Variants in USP10 observed in about 807,000 individuals in gnomAD.
USP10 encodes the protein ubiquitin specific peptidase 10.
USP10 carries 22 observed loss-of-function variants against 84.5 expected under a neutral mutation model. That is an observed-to-expected ratio of 0.26 (90% CI 0.19 to 0.37). The LOEUF (loss-of-function observed/expected upper bound fraction) is 0.37. Ranked by LOEUF, USP10 falls within the 10% of genes least tolerant of loss-of-function variation. USP10 has a pLI of 1.00. For synonymous variants in USP10, 454 were observed against 387.6 expected, an observed-to-expected ratio of 1.17 and a Z score of -2.01; for missense variants, 1,019 against 998.9, an observed-to-expected ratio of 1.02 and a Z score of -0.27.
intron 13 of USP10, among the ~76,000 whole-genome samples, chr16:84,778,003 A>G (rs1915190609): frequency 6.6e-6 from 1 of 151,318 alleles, no homozygotes; most frequent in Admixed American, 6.6e-5. Flanking sequence ...GGCTGTCTTA[A>G]TGTTTTCATG....
At chr16:84,730,324 T>C (rs1445085512) in intron 1 of USP10, among the ~76,000 whole-genome samples, 1 of 152,184 alleles carries the variant, frequency 6.6e-6, no homozygotes, top group East Asian at 1.9e-4. Context: ...TTTAATAGTA[T>C]TTTGAAGATC....
chr16:84,710,008 G>A (rs766423241), intron 1 of USP10, among the ~76,000 whole-genome samples: 1 of 152,180 alleles, frequency 6.6e-6, no homozygotes, highest in Non-Finnish European at 1.5e-5. Context: ...CGAGGCTCAC[G>A]CCTGTAATCC....
At chr16:84,728,430 C>T (rs758735804) in intron 1 of USP10, among the ~76,000 whole-genome samples, 19 of 152,046 alleles carry the variant, frequency 1.2e-4, no homozygotes, top group Non-Finnish European at 2.6e-4. Context: ...ACCTCTGCCT[C>T]CCCGGTTCAA....
At chr16:84,703,147 G>A (rs1265951480) in intron 1 of USP10, among the ~76,000 whole-genome samples, 1 of 152,128 alleles carries the variant, frequency 6.6e-6, no homozygotes, top group Non-Finnish European at 1.5e-5. Context: ...AACATTTTGA[G>A]ACCGGTAACT....
intron 12 of USP10, among the ~76,000 whole-genome samples, chr16:84,774,048 G>A (rs1054396917): frequency 1.1e-4 from 17 of 152,080 alleles, no homozygotes; most frequent in African/African-American, 3.6e-4. Context: ...TCAGGAGTTC[G>A]AGACCAGCCT....
In USP10 at chr16:84,706,474, A is replaced by ATATTTATATG. The variant is rs1273898605; in HGVS notation, c.21+6371_21+6380dup. Among the ~76,000 whole-genome samples, 327 of 148,514 alleles carry ATATTTATATG rather than the reference A, an allele frequency of 2.2e-3. 2 individuals carry two copies. The highest frequency in any genetic ancestry group is 7.3e-3 in the African/African-American group (300 of 40,890). ...TTACGTGGCTGCAAAGACTATATAT[A>ATATTTATATG]TATTTATATGTATTTATTTGTATAT... On this transcript the variant is annotated intron_variant, in intron 1 of 13. Transcript: ENST00000219473.
chr16:84,776,996 A>T (rs1309653947), intron 13 of USP10, among the ~76,000 whole-genome samples: 2 of 152,242 alleles, frequency 1.3e-5, no homozygotes, highest in African/African-American at 4.8e-5. Context: ...TATTTTGAAT[A>T]GAGACGAGGT....
At chr16:84,778,650 T>C (rs1303850160) in intron 13 of USP10, among the ~76,000 whole-genome samples, 1 of 152,186 alleles carries the variant, frequency 6.6e-6, no homozygotes, top group Non-Finnish European at 1.5e-5. Flanking sequence ...TTAATATGCG[T>C]ACATGCACAC....
rs558758693 is a variant in USP10, at chr16:84,745,772, C to T, written c.1192+99C>T. The T allele has an allele frequency of 1.3e-5, 16 of 1,278,786 alleles. No individual in the cohort carries two copies. The South Asian group carries it at 2.1e-4, about 17-fold the overall frequency. 79.2% of individuals were successfully genotyped at this position (1,278,786 alleles called of 1,614,324 possible). On this transcript the variant is annotated intron_variant, in intron 4 of 13. Coordinates refer to ENST00000219473, the MANE Select transcript of USP10 (RefSeq NM_005153.3). ...GTTACCCATAACAATGGCAGATTAC[C>T]TGTGTGTTAATAGCAACGTCTGAAG...
chr16:84,739,451 T>G (rs1910362524), intron 2 of USP10, among the ~76,000 whole-genome samples: 1 of 152,042 alleles, frequency 6.6e-6, no homozygotes, highest in Non-Finnish European at 1.5e-5. Context: ...TTTTGTATTT[T>G]TAGTAGAGAT....
intron 1 of USP10, among the ~76,000 whole-genome samples, chr16:84,711,592 C>G (rs1467174929): frequency 1.3e-5 from 2 of 152,174 alleles, no homozygotes; most frequent in Non-Finnish European, 2.9e-5. Flanking sequence ...AATAATTACG[C>G]TTGGTTCTCT....
chr16:84,758,879 G>T lies in USP10; in HGVS notation c.1284+72G>T, dbSNP rs7203333. On this transcript the variant is annotated intron_variant, in intron 5 of 13. Coordinates refer to ENST00000219473, the MANE Select transcript of USP10 (RefSeq NM_005153.3). ...CCCTCCTTTGGGTGCATGTGACTTA[G>T]CTCAGCTTCCGTGGGCCATCTAGCT... 9.5e-4 allele frequency: 1,066 copies of T among 1,119,222 alleles called. 2 individuals are homozygous for T. Among genetic ancestry groups the T allele is most frequent in the Non-Finnish European group, 1.3e-3 (959 of 732,336 alleles). The allele number at this position is 1,119,222 out of a possible 1,614,324, so 69.3% of individuals were successfully genotyped here.
intron 4 of USP10, among the ~76,000 whole-genome samples, chr16:84,753,505 G>A (rs16974558): frequency 0.2 from 29,844 of 151,936 alleles, 3,572 homozygotes; most frequent in East Asian, 0.37. Context: ...ATTTACATGC[G>A]TGCTCATCTT....
At position 84,700,181 on chromosome 16, in the gene USP10, GGCGTCCGCGCCCTGCCCGGAGCGA is replaced by G. The variant is rs1483901184; in HGVS notation, c.21+75_21+98del. On this transcript the variant is annotated intron_variant, in intron 1 of 13. Transcript: ENST00000219473. ...GGGCGGGCGGACGCCGCGGCGGGCG[GGCGTCCGCGCCCTGCCCGGAGCGA>G]GCGTGTGGGAGTGGGGGAGGGCGCT... The G allele has an allele frequency of 6.1e-6, 7 of 1,149,458 alleles. 1 individual carries two copies. In the African/African-American group the frequency reaches 8.3e-5, roughly 14 times the overall value. 71.2% of individuals were successfully genotyped at this position (1,149,458 alleles called of 1,614,324 possible).
chr16:84,744,748 A>G lies in USP10; in HGVS notation c.267A>G (p.Glu89=), dbSNP rs774453217. Residue 89 remains glutamate (E), a synonymous_variant, in exon 4 of 14, where the codon GAA becomes GAG. Coordinates refer to ENST00000219473, the MANE Select transcript of USP10 (RefSeq NM_005153.3). Reference sequence around the variant, plus strand: ...GCACACTGAACCCTCAGGCCCCTGAATTTATTCTCGGTTGTACAGCTTCCA... The same window carrying G: ...GCACACTGAACCCTCAGGCCCCTGAGTTTATTCTCGGTTGTACAGCTTCCA... The part of the protein sequence containing the change: ...ISSTLNPQAP[E]FILGCTASKI... The G allele has an allele frequency of 9.3e-6, 15 of 1,613,620 alleles. No individual in the cohort carries two copies. Among genetic ancestry groups the G allele is most frequent in the African/African-American group, 8.0e-5 (6 of 74,890 alleles).
intron 1 of USP10, among the ~76,000 whole-genome samples, chr16:84,721,305 ATTC>A (rs1248397351): frequency 6.6e-6 from 1 of 152,194 alleles, no homozygotes; most frequent in Non-Finnish European, 1.5e-5. Context: ...GTACTGAAGA[ATTC>A]TTCTTCCGTA....
chr16:84,764,158 G>A lies in USP10; in HGVS notation c.1727G>A (p.Ser576Asn). Residue 576 changes from serine to asparagine, a missense_variant, in exon 10 of 14, where the codon AGC (serine) becomes AAC (asparagine). Around this residue, in one of 2 missense-constraint regions of USP10, gnomAD observed 232 missense variants for 290.1 expected, o/e 0.80. Coordinates refer to ENST00000219473, the MANE Select transcript of USP10 (RefSeq NM_005153.3). ...GAGCAGGAAGAACAAGGTGAAGGAA[G>A]CGAGGATGAATGGGAACAAGTGGGC... The part of the protein sequence containing the change: ...EEEQEEQGEG[S>N]EDEWEQVGPR... 2 of 1,613,984 alleles carry A rather than the reference G, an allele frequency of 1.2e-6. No homozygotes were observed. Among genetic ancestry groups the A allele is most frequent in the South Asian group, 1.1e-5 (1 of 91,082 alleles).
intron 8 of USP10, among the ~76,000 whole-genome samples, chr16:84,761,367 A>G (rs1211109457): frequency 6.6e-6 from 1 of 152,242 alleles, no homozygotes; most frequent in Non-Finnish European, 1.5e-5. Context: ...GGGCTCCCCA[A>G]GACCACCCTG....
At chr16:84,714,641 A>C (rs562486553) in intron 1 of USP10, among the ~76,000 whole-genome samples, 73 of 152,152 alleles carry the variant, frequency 4.8e-4, no homozygotes, top group African/African-American at 1.7e-3. Context: ...TAAAAATGGT[A>C]ATGTTTGGCA....
Sources: allele counts gnomAD v4.1 joint callset (sites outside exome capture counted in the v4.1 genomes callset), GRCh38; gene constraint gnomAD v4.1.1; regional missense constraint gnomAD v4.1.1; transcripts MANE v1.5; gene names NCBI Gene and HGNC (gene_info 2026-07-23, HGNC 2026-07-21).